The following SORCS3 variants were observed in gnomAD, a reference collection of about 807,000 sequenced individuals.
SORCS3 encodes the protein sortilin related VPS10 domain containing receptor 3.
In SORCS3, 57 loss-of-function variants were observed where a neutral mutation model predicts 146.3. That is an observed-to-expected ratio of 0.39 (90% CI 0.31 to 0.49). The LOEUF (loss-of-function observed/expected upper bound fraction) is 0.49. Ranked by LOEUF, SORCS3 falls within the 20% of genes least tolerant of loss-of-function variation. The pLI, the probability that SORCS3 is intolerant of heterozygous loss-of-function variation, is 0.92. For missense variants in SORCS3, 1,341 were observed against 1,575.5 expected (o/e 0.85, Z 2.52); for synonymous variants, 653 against 618.5 (o/e 1.06, Z -0.83).
chr10:105,154,785 G>GT (rs1474114270), intron 9 of SORCS3, among the ~76,000 whole-genome samples: 2 of 152,124 alleles, frequency 1.3e-5, no homozygotes, highest in African/African-American at 4.8e-5. Context: ...GCATATATGG[G>GT]TATGAGTCTA....
chr10:104,835,926 G>A (rs1351596119), intron 1 of SORCS3, among the ~76,000 whole-genome samples: 1 of 152,214 alleles, frequency 6.6e-6, no homozygotes, highest in Non-Finnish European at 1.5e-5. Context: ...CAGGGAAAGT[G>A]TACCATTACC....
intron 2 of SORCS3, among the ~76,000 whole-genome samples, chr10:104,865,308 A>T (rs1206886946): frequency 6.6e-6 from 1 of 152,168 alleles, no homozygotes; most frequent in African/African-American, 2.4e-5. Flanking sequence ...GCCAGGGCAG[A>T]TAGGAGGACT....
At chr10:105,128,017 C>T (rs376164932) in intron 7 of SORCS3, among the ~76,000 whole-genome samples, 1 of 152,140 alleles carries the variant, frequency 6.6e-6, no homozygotes, top group South Asian at 2.1e-4. Flanking sequence ...TTTAGAGACA[C>T]AAGTTCAAAT....
chr10:104,919,290 G>A (rs527766816), intron 3 of SORCS3, among the ~76,000 whole-genome samples: 1 of 152,230 alleles, frequency 6.6e-6, no homozygotes, highest in East Asian at 1.9e-4. Context: ...GGGAGGCACT[G>A]CCACCCAGAA....
chr10:105,129,331 C>CTTTT (rs71022753), intron 7 of SORCS3, among the ~76,000 whole-genome samples: 8 of 104,632 alleles, frequency 7.6e-5, no homozygotes, highest in African/African-American at 3.1e-4. Flanking sequence ...CTTTCTTTCT[C>CTTTT]TTTTTTTTTT....
chr10:105,147,885 T>A, intron 9 of SORCS3, 89 bp downstream of exon 9: 1 of 1,158,276 alleles, frequency 8.6e-7, no homozygotes, highest in Non-Finnish European at 1.2e-6. Flanking sequence ...AGTTCTGGGT[T>A]CAGATTCCAG....
chr10:105,055,392 G>A (rs1306851846), intron 5 of SORCS3, among the ~76,000 whole-genome samples: 2 of 152,102 alleles, frequency 1.3e-5, no homozygotes, highest in African/African-American at 4.8e-5. Flanking sequence ...AACACCTGCG[G>A]GGATATTTGG....
rs2018688725 is a variant in SORCS3, at chr10:104,886,555, C to A, written c.696-29278C>A. Among the ~76,000 whole-genome samples the A allele has an allele frequency of 2.4e-5, 3 of 126,988 alleles. No homozygotes were observed. The South Asian group carries it at 7.2e-4, about 30-fold the overall frequency. The allele number at this position is 126,988 out of a possible 152,430, so 83.3% of individuals were successfully genotyped here. A position where few individuals can be genotyped will look rare whatever the true frequency, so the allele number is the denominator to read the frequency against. The stretch of plus-strand genomic sequence containing the variant: ...TTGTGTATATAATATATAACTCTAT[C>A]ATCTATCTATCTATCTATCTATCTA... On this transcript the variant is annotated intron_variant, in intron 2 of 26. Transcript: ENST00000369701.
chr10:105,169,057 C>T (rs750562458), intron 13 of SORCS3, among the ~76,000 whole-genome samples: 8 of 152,044 alleles, frequency 5.3e-5, no homozygotes, highest in Non-Finnish European at 7.4e-5. Flanking sequence ...TGTTCTAAAC[C>T]ATTTACATGA....
At chr10:104,884,719 G>A (rs535390644) in intron 2 of SORCS3, among the ~76,000 whole-genome samples, 1 of 151,988 alleles carries the variant, frequency 6.6e-6, no homozygotes, top group South Asian at 2.1e-4. Context: ...AGAACATTTG[G>A]GTTCAAGGGA....
chr10:104,957,361 C>T (rs192357454), intron 3 of SORCS3, among the ~76,000 whole-genome samples: 4 of 152,192 alleles, frequency 2.6e-5, no homozygotes, highest in Admixed American at 6.5e-5. Flanking sequence ...CTTCTGAATG[C>T]GGTTTGTTTA....
chr10:104,649,561 C>T lies in SORCS3; in HGVS notation c.627+7607C>T, dbSNP rs183234386. ...GTTTCCCAGTGAGCTGATGGCAAGG[C>T]CTTGGCTAGAACCCAGTTCTCATCA... On this transcript the variant is annotated intron_variant, in intron 1 of 26. Transcript: ENST00000369701. 6.6e-5 allele frequency among the ~76,000 whole-genome samples: 10 copies of T among 152,324 alleles called. No homozygotes were observed. The East Asian group carries it at 1.7e-3, about 26-fold the overall frequency.
At chr10:104,883,975 T>TGG (rs146493237) in intron 2 of SORCS3, among the ~76,000 whole-genome samples, 35,358 of 143,698 alleles carry the variant, frequency 0.25, 5,477 homozygotes, top group African/African-American at 0.47. Context: ...TGCTGTGGAA[T>TGG]GAGGGGGGGG....
chr10:105,181,991 T>C (rs150724746), intron 14 of SORCS3, among the ~76,000 whole-genome samples: 10 of 152,322 alleles, frequency 6.6e-5, no homozygotes, highest in African/African-American at 2.4e-4. Flanking sequence ...TTTGAAATTC[T>C]TTCCTGATAA....
chr10:104,665,591 G>A (rs186718740), intron 1 of SORCS3: 1 of 152,346 alleles, frequency 6.6e-6, no homozygotes, highest in African/African-American at 2.4e-5. Flanking sequence ...TCATGATCAA[G>A]TTCTTCCTCC....
intron 1 of SORCS3, among the ~76,000 whole-genome samples, chr10:104,671,384 G>C (rs376840282): frequency 2.7e-4 from 31 of 113,176 alleles, no homozygotes; most frequent in Admixed American, 6.0e-4. Context: ...GCCCAGGCTG[G>C]AGTACAGTGG....
intron 7 of SORCS3, among the ~76,000 whole-genome samples, chr10:105,123,373 T>A (rs1310621517): frequency 1.3e-5 from 2 of 152,226 alleles, no homozygotes; most frequent in African/African-American, 4.8e-5. Flanking sequence ...TCAGAGGTAT[T>A]GCCTCAGTTC....
chr10:104,778,581 G>A (rs765966421), intron 1 of SORCS3, among the ~76,000 whole-genome samples: 1 of 152,228 alleles, frequency 6.6e-6, no homozygotes, highest in Non-Finnish European at 1.5e-5. Context: ...CACCAGCTCA[G>A]TTCCTGGTTG....
At chr10:104,994,395 A>G (rs73334025) in intron 4 of SORCS3, among the ~76,000 whole-genome samples, 11,372 of 152,256 alleles carry the variant, frequency 0.075, 474 homozygotes, top group African/African-American at 0.1. Flanking sequence ...TTAACATAAA[A>G]CTAGGGTCAC....
Sources: allele counts gnomAD v4.1 joint callset (sites outside exome capture counted in the v4.1 genomes callset), GRCh38; gene constraint gnomAD v4.1.1; transcripts MANE v1.5; gene names NCBI Gene and HGNC (gene_info 2026-07-23, HGNC 2026-07-21).